Variants in ADAM9 observed in about 807,000 individuals in gnomAD.
The protein encoded by ADAM9 is disintegrin and metalloproteinase domain-containing protein 9.
A neutral mutation model predicts 108.1 loss-of-function variants in ADAM9; 54 were observed. That is an observed-to-expected ratio of 0.50 (90% confidence interval 0.40 to 0.63). The LOEUF (loss-of-function observed/expected upper bound fraction) is 0.63, where lower values mean the gene tolerates loss of function less well. ADAM9 is among the 20% of genes least tolerant of loss of function. ADAM9 has a pLI of 0.00. For missense variants in ADAM9, 830 were observed against 997.7 expected (o/e 0.83, Z 2.26); for synonymous variants, 316 against 336.0 (o/e 0.94, Z 0.65).
intron 1 of ADAM9, among the ~76,000 whole-genome samples, chr8:39,002,562 C>G (rs1321055914): frequency 1.3e-5 from 2 of 151,742 alleles, no homozygotes; most frequent in African/African-American, 4.8e-5. Context: ...ACCTCGTGAT[C>G]CGCCTGCCTC....
At chr8:39,089,191 G>A (rs1030174486) in intron 18 of ADAM9, among the ~76,000 whole-genome samples, 13 of 152,194 alleles carry the variant, frequency 8.5e-5, no homozygotes, top group Admixed American at 3.9e-4. Context: ...AGAGGTTGCA[G>A]TGAGTGGAGA....
Position 39,077,361 on chromosome 8 carries a change from G to A in ADAM9, c.1831G>A (p.Val611Ile). ...TGTGGATTTCCAGCTAGGATCAGAT[G>A]TTCCAGATCCTGGGATGGTTAACGA... ...WGVDFQLGSD[V>I]PDPGMVNEGT... The change falls in exon 16 of 22, where the codon GTT (valine) becomes ATT (isoleucine). Residue 611 changes from valine to isoleucine, a missense_variant. This residue lies in a region of ADAM9 where 381 missense variants were observed against 539.8 expected (regional missense o/e 0.71). Transcript: ENST00000487273. 6.2e-7 allele frequency: 1 copy of A among 1,613,894 alleles called. No individual in the cohort carries two copies. Among genetic ancestry groups the A allele is most frequent in the Non-Finnish European group, 8.5e-7 (1 of 1,179,870 alleles).
chr8:39,034,482 T>C (rs934819589), intron 11 of ADAM9, among the ~76,000 whole-genome samples: 1 of 152,204 alleles, frequency 6.6e-6, no homozygotes, highest in Non-Finnish European at 1.5e-5. Context: ...TTTGGTCCTC[T>C]TGCATCTCTG....
chr8:39,094,023 C>T (rs568875699), intron 20 of ADAM9, among the ~76,000 whole-genome samples: 15 of 152,328 alleles, frequency 9.8e-5, no homozygotes, highest in African/African-American at 3.1e-4. Flanking sequence ...CCACCTGCCT[C>T]GGCCTCCCAA....
At chr8:39,045,574 A>G (rs76959501) in intron 12 of ADAM9, among the ~76,000 whole-genome samples, 21 of 148,446 alleles carry the variant, frequency 1.4e-4, no homozygotes, top group East Asian at 4.0e-4. Flanking sequence ...GTGTGTGTAT[A>G]TATATATATA....
intron 11 of ADAM9, among the ~76,000 whole-genome samples, chr8:39,034,088 T>C (rs1837191937): frequency 6.6e-6 from 1 of 152,192 alleles, no homozygotes; most frequent in Non-Finnish European, 1.5e-5. Flanking sequence ...AAATGGGTTC[T>C]TGTTATGTTG....
At chr8:39,002,312 C>CTTTTTTTTT (rs35517175) in intron 1 of ADAM9, among the ~76,000 whole-genome samples, 4 of 71,490 alleles carry the variant, frequency 5.6e-5, no homozygotes, top group Non-Finnish European at 1.0e-4. Flanking sequence ...AGGTAGAATT[C>CTTTTTTTTT]TTTTTTTTTT....
intron 11 of ADAM9, among the ~76,000 whole-genome samples, chr8:39,034,983 G>A (rs781679858): frequency 2.0e-5 from 3 of 151,988 alleles, no homozygotes; most frequent in Non-Finnish European, 4.4e-5. Flanking sequence ...TTCATCAGTC[G>A]GAAAATTCTC....
At position 38,997,139 on chromosome 8, in the gene ADAM9, G is replaced by C. The variant is rs374274112; in HGVS notation, c.76G>C (p.Val26Leu). ...GCTGTTGCTTGGCCTGGTGGGCCCA[G>C]TCCTCGGTGCGGCGCGGCCAGGTGG... is the stretch of plus-strand genomic sequence containing the variant. The part of the protein sequence containing the change: ...WLLLLGLVGP[V>L]LGAARPGFQQ... The change falls in exon 1 of 22, where the codon GTC becomes CTC. Residue 26 changes from valine (V) to leucine (L), a missense_variant. By Grantham distance (32) the Val-to-Leu change is conservative. Transcript: ENST00000487273. 9.4e-6 allele frequency: 15 copies of C among 1,602,362 alleles called. No individual in the cohort carries two copies. The Middle Eastern group carries it at 6.6e-4, about 70-fold the overall frequency.
intron 12 of ADAM9, among the ~76,000 whole-genome samples, chr8:39,049,274 C>T (rs527427484): frequency 1.3e-5 from 2 of 151,766 alleles, no homozygotes; most frequent in East Asian, 1.9e-4. Context: ...TACCTTAGAG[C>T]GTGCATAAAA....
Position 39,045,387 on chromosome 8 carries a change from T to TGTGTACACACACCTATATGTGCGC in ADAM9, c.1302+3274_1302+3275insACACACACCTATATGTGCGCGTGT, listed in dbSNP as rs1564301265. ...AGGTGTGTGTACATACACCTATAGG[T>TGTGTACACACACCTATATGTGCGC]GTGTGTACACACACCTATATGTGCG... is the stretch of plus-strand genomic sequence containing the variant. On this transcript the variant is annotated intron_variant, in intron 12 of 21. Coordinates refer to ENST00000487273, the MANE Select transcript of ADAM9 (RefSeq NM_003816.3). Among the ~76,000 whole-genome samples, 6 of 46,706 alleles carry TGTGTACACACACCTATATGTGCGC rather than the reference T, an allele frequency of 1.3e-4. 2 individuals are homozygous for TGTGTACACACACCTATATGTGCGC. Among genetic ancestry groups the TGTGTACACACACCTATATGTGCGC allele is most frequent in the African/African-American group, 3.7e-4 (6 of 16,326 alleles). The allele number at this position is 46,706 out of a possible 152,430, so 30.6% of individuals were successfully genotyped here. A position where few individuals can be genotyped will look rare whatever the true frequency, so the allele number is the denominator to read the frequency against.
chr8:39,007,559 T>C (rs1027034121), intron 1 of ADAM9, among the ~76,000 whole-genome samples: 1 of 152,252 alleles, frequency 6.6e-6, no homozygotes, highest in Non-Finnish European at 1.5e-5. Context: ...TTCTTGTGTT[T>C]ATACCTTAAG....
chr8:39,039,383 A>G (rs966123868), intron 11 of ADAM9, among the ~76,000 whole-genome samples: 1 of 152,226 alleles, frequency 6.6e-6, no homozygotes, highest in Non-Finnish European at 1.5e-5. Flanking sequence ...ATCATTCCAC[A>G]TTGTTGCCCA....
intron 20 of ADAM9, among the ~76,000 whole-genome samples, chr8:39,097,563 C>T (rs1381862040): frequency 6.6e-6 from 1 of 152,098 alleles, no homozygotes; most frequent in Non-Finnish European, 1.5e-5. Flanking sequence ...GCCCTGGCCT[C>T]CCAAAGTGCT....
At chr8:39,038,372 G>T (rs1460274417) in intron 11 of ADAM9, among the ~76,000 whole-genome samples, 1 of 151,984 alleles carries the variant, frequency 6.6e-6, no homozygotes, top group Non-Finnish European at 1.5e-5. Flanking sequence ...CAGAGTTTTT[G>T]CATTTGCTAT....
At chr8:39,043,064 A>G (rs1169891747) in intron 12 of ADAM9, among the ~76,000 whole-genome samples, 2 of 152,300 alleles carry the variant, frequency 1.3e-5, no homozygotes, top group South Asian at 2.1e-4. Flanking sequence ...TGTATACTCA[A>G]GTTTCATCTA....
intron 12 of ADAM9, among the ~76,000 whole-genome samples, chr8:39,045,554 G>A (rs1365684263): frequency 5.9e-5 from 5 of 84,382 alleles, no homozygotes; most frequent in African/African-American, 9.1e-5. Context: ...ATGTGTGTGT[G>A]TATATGTGTG....
At chr8:39,060,994 G>C (rs1838281410) in intron 14 of ADAM9, among the ~76,000 whole-genome samples, 3 of 152,236 alleles carry the variant, frequency 2.0e-5, no homozygotes, top group African/African-American at 7.2e-5. Context: ...AGCAGCTTCA[G>C]TTGGAGTCAC....
chr8:39,007,985 T>C lies in ADAM9; in HGVS notation c.195+2T>C, dbSNP rs1836218882. On this transcript the variant is annotated splice_donor_variant, in intron 2 of 21. Transcript: ENST00000487273. LOFTEE classifies it high-confidence loss of function. ...GCCCCTAGGCCCTATTCAAAACAAG[T>C]AAGTTATAATTGTTGAGAAATAATA... The C allele has an allele frequency of 4.4e-6, 7 of 1,580,052 alleles. No homozygotes were observed. The highest frequency in any genetic ancestry group is 5.2e-6 in the Non-Finnish European group (6 of 1,151,144).
Sources: gnomAD v4.1 joint callset for allele counts (sites outside exome capture counted in the v4.1 genomes callset) on GRCh38, gnomAD v4.1.1 for gene constraint, gnomAD v4.1.1 regional missense constraint, MANE v1.5 for transcripts, NCBI Gene and HGNC (gene_info 2026-07-23, HGNC 2026-07-21) for gene names.